EXOC3L4: variants seen among roughly 807,000 people sequenced by gnomAD.
The protein encoded by EXOC3L4 is exocyst complex component 3 like 4.
In EXOC3L4, 62 loss-of-function variants were observed where a neutral mutation model predicts 69.7. The ratio of observed to expected loss-of-function variants is 0.89; its 90% confidence interval spans 0.72 to 1.10. The LOEUF is 1.10. EXOC3L4 is among the 50% of genes least tolerant of loss of function. EXOC3L4 has a pLI of 0.00. For synonymous variants in EXOC3L4, 502 were observed against 464.2 expected (o/e 1.08, Z -1.05); for missense variants, 1,087 against 1,034.8 (o/e 1.05, Z -0.69).
Position 103,102,389 on chromosome 14 carries a change from G to C in EXOC3L4, c.666G>C (p.Glu222Asp), listed in dbSNP as rs755730426. 2.6e-6 allele frequency: 4 copies of C among 1,556,232 alleles called. No homozygotes were observed. The East Asian group carries it at 9.6e-5, about 37-fold the overall frequency. The change falls in exon 3 of 12, where the codon GAG becomes GAC. Residue 222 changes from glutamate (E) to aspartate (D), a missense_variant. Transcript: ENST00000688303. Reference sequence around the variant, plus strand: ...TGGCCCGCGTGGTGAGCGCGGAGGAGGAAGCCCACCCTTCTCCCCCCGACG... The same window carrying C: ...TGGCCCGCGTGGTGAGCGCGGAGGACGAAGCCCACCCTTCTCCCCCCGACG... ...AELARVVSAE[E>D]EAHPSPPDDG...
At position 103,102,347 on chromosome 14, in the gene EXOC3L4, G is replaced by C. The variant is rs1566947708; in HGVS notation, c.624G>C (p.Ala208=). 4 of 1,560,242 alleles carry C rather than the reference G, an allele frequency of 2.6e-6. No individual in the cohort carries two copies. The highest frequency in any genetic ancestry group is 2.6e-6 in the Non-Finnish European group (3 of 1,159,570). Residue 208 remains alanine (A), a synonymous_variant, in exon 3 of 12, where the codon GCG becomes GCC. Transcript: ENST00000688303. ...CGCTGGACAGCGACGGTGTGGACGC[G>C]GCCGCGCTGGCCGAGCTGGCCCGCG... The part of the protein sequence containing the change: ...RETLDSDGVD[A]AALAELARVV...
At chr14:103,098,195 C>T (rs182768099) in intron 1 of EXOC3L4, among the ~76,000 whole-genome samples, 6 of 152,230 alleles carry the variant, frequency 3.9e-5, no homozygotes, top group African/African-American at 4.8e-5. Flanking sequence ...AGAGATTCAC[C>T]GCACAGCTGC....
chr14:103,108,936 G>A (rs867394969), intron 11 of EXOC3L4, among the ~76,000 whole-genome samples: 2 of 151,976 alleles, frequency 1.3e-5, no homozygotes, highest in Non-Finnish European at 2.9e-5. Context: ...CATTCTTTTG[G>A]AGATTCTGGG....
Position 103,102,332 on chromosome 14 carries a change from C to CG in EXOC3L4, c.610dup (p.Asp204GlyfsTer149). 1 of 1,564,578 alleles carries CG rather than the reference C, an allele frequency of 6.4e-7. No individual in the cohort carries two copies. Among genetic ancestry groups the CG allele is most frequent in the African/African-American group, 1.4e-5 (1 of 74,042 alleles). On this transcript the variant is annotated frameshift_variant, in exon 3 of 12. Coordinates refer to ENST00000688303, the MANE Select transcript of EXOC3L4 (RefSeq NM_001077594.2). LOFTEE classifies it high-confidence loss of function. ...CCATCGTGCGCGAGACGCTGGACAG[C>CG]GACGGTGTGGACGCGGCCGCGCTGG...
chr14:103,104,221 C>T (rs779409855), intron 4 of EXOC3L4, 46 bp from the exon 5 acceptor site: 82 of 1,506,870 alleles, frequency 5.4e-5, no homozygotes, highest in Non-Finnish European at 7.0e-5. Flanking sequence ...CGGCGCGGGA[C>T]GGGGTCTGGG....
At position 103,102,691 on chromosome 14, in the gene EXOC3L4, G is replaced by T; in HGVS notation, c.968G>T (p.Arg323Leu). ...LRAFHSAVAQ[R>L]LQELARDARG... ...GCCTTCCACAGCGCCGTGGCCCAGC[G>T]CCTCCAGGAGCTCGCGCGCGACGCC... The change falls in exon 3 of 12, where the codon CGC (arginine) becomes CTC (leucine). Residue 323 changes from arginine to leucine, a missense_variant. Physicochemically the swap from Arg to Leu is moderately radical, Grantham distance 102. Transcript: ENST00000688303. 6.8e-7 allele frequency: 1 copy of T among 1,474,260 alleles called. No homozygotes were observed. Among genetic ancestry groups the T allele is most frequent in the South Asian group, 1.3e-5 (1 of 76,836 alleles). The allele number at this position is 1,474,260 out of a possible 1,614,324, so 91.3% of individuals were successfully genotyped here. A position where few individuals can be genotyped will look rare whatever the true frequency, so the allele number is the denominator to read the frequency against.
intron 1 of EXOC3L4, among the ~76,000 whole-genome samples, chr14:103,096,824 C>T (rs1205651276): frequency 6.6e-6 from 1 of 152,190 alleles, no homozygotes; most frequent in African/African-American, 2.4e-5. Context: ...TATGACTGAT[C>T]CGAGGAGGCA....
At position 103,106,807 on chromosome 14, in the gene EXOC3L4, C is replaced by T. The variant is rs778663616; in HGVS notation, c.1489C>T (p.Pro497Ser). The change falls in exon 8 of 12, where the codon CCA (proline) becomes TCA (serine). Residue 497 changes from proline (P) to serine (S), a missense_variant. By Grantham distance (74) the Pro-to-Ser change is moderately conservative. Transcript: ENST00000688303. Reference sequence around the variant, plus strand: ...CAGGACCAGTCTTCTCTCCAGGTTCCCAGGAACCCAAGAGGAGCTGGAGAA... The same window carrying T: ...CAGGACCAGTCTTCTCTCCAGGTTCTCAGGAACCCAAGAGGAGCTGGAGAA... Reference protein sequence around the residue: ...ELRTSLLSRFPGTQEELEKPL... With the variant: ...ELRTSLLSRFSGTQEELEKPL... The T allele has an allele frequency of 6.3e-7, 1 of 1,590,240 alleles. No homozygotes were observed. Among genetic ancestry groups the T allele is most frequent in the East Asian group, 2.3e-5 (1 of 44,296 alleles).
intron 8 of EXOC3L4, 141 bp from the exon 9 acceptor site, chr14:103,107,283 G>T (rs1225064822): frequency 9.0e-6 from 12 of 1,339,996 alleles, no homozygotes; most frequent in Non-Finnish European, 1.1e-5. Context: ...AAGGGCTCGT[G>T]ACATAACCTG....
rs1398353838 is a variant in EXOC3L4, at chr14:103,104,341, G to C, written c.1236G>C (p.Glu412Asp). 1.0e-5 allele frequency: 16 copies of C among 1,591,414 alleles called. No homozygotes were observed. Among genetic ancestry groups the C allele is most frequent in the Non-Finnish European group, 1.3e-5 (15 of 1,170,430 alleles). The change falls in exon 5 of 12, where the codon GAG (glutamate) becomes GAC (aspartate). Residue 412 changes from glutamate (E) to aspartate (D), a missense_variant. By Grantham distance (45) the Glu-to-Asp change is conservative. Transcript: ENST00000688303. ...ACTGGGCGGCCGCCGAGGTCCCCGA[G>C]GTGCTGCAGGGCCTCTACCAGGCGC... Reference protein sequence around the residue: ...QSHWAAAEVPEVLQGLYQAPL... With the variant: ...QSHWAAAEVPDVLQGLYQAPL...
chr14:103,107,469 T>TGGCTGACGCAG lies in EXOC3L4; in HGVS notation c.1632_1633insACGCAGGGCTG (p.His545ThrfsTer12). ...CACCAGGGACTGGCTGACGCAGGAC[T>TGGCTGACGCAG]GGCTGCATCCCCTCATGGACAAGGT... On this transcript the variant is annotated frameshift_variant, in exon 9 of 12. Coordinates refer to ENST00000688303, the MANE Select transcript of EXOC3L4 (RefSeq NM_001077594.2). LOFTEE classifies it high-confidence loss of function. The TGGCTGACGCAG allele has an allele frequency of 6.2e-7, 1 of 1,613,878 alleles. No homozygotes were observed. Among genetic ancestry groups the TGGCTGACGCAG allele is most frequent in the South Asian group, 1.1e-5 (1 of 91,088 alleles).
chr14:103,107,880 G>T, intron 10 of EXOC3L4, 97 bp downstream of exon 10: 1 of 1,430,962 alleles, frequency 7.0e-7, no homozygotes, highest in Non-Finnish European at 9.2e-7. Context: ...TGGCAGGAGT[G>T]GTTCTCCCCA....
rs1177214950 is a variant in EXOC3L4, at chr14:103,102,371, C to CGTG, written c.652_654dup (p.Val218dup). On this transcript the variant is annotated inframe_insertion, in exon 3 of 12. Coordinates refer to ENST00000688303, the MANE Select transcript of EXOC3L4 (RefSeq NM_001077594.2). ...CGGCCGCGCTGGCCGAGCTGGCCCG[C>CGTG]GTGGTGAGCGCGGAGGAGGAAGCCC... 6.4e-7 allele frequency: 1 copy of CGTG among 1,560,874 alleles called. No individual in the cohort carries two copies. Among genetic ancestry groups the CGTG allele is most frequent in the Admixed American group, 1.8e-5 (1 of 54,956 alleles).
chr14:103,103,354 C>CAAAAA (rs3070496), intron 3 of EXOC3L4, among the ~76,000 whole-genome samples: 17,470 of 94,240 alleles, frequency 0.19, 1,603 homozygotes, highest in South Asian at 0.21. Context: ...GACTCTGTCT[C>CAAAAA]AAAAAAAAAA....
chr14:103,110,243 G>A lies in EXOC3L4; in HGVS notation c.*20G>A, dbSNP rs559005885. 4.0e-6 allele frequency: 6 copies of A among 1,496,904 alleles called. No individual in the cohort carries two copies. Among genetic ancestry groups the A allele is most frequent in the Non-Finnish European group, 2.7e-6 (3 of 1,123,178 alleles). 92.7% of individuals were successfully genotyped at this position (1,496,904 alleles called of 1,614,324 possible). A position where few individuals can be genotyped will look rare whatever the true frequency, so the allele number is the denominator to read the frequency against. On this transcript the variant is annotated 3_prime_UTR_variant, in exon 12 of 12. Transcript: ENST00000688303. ...GTCTAGTTCTCTCTGGCTCGAGGGG[G>A]GGCCGGCCGCTGGCAGGGAGCTGTG...
chr14:103,108,235 C>T (rs970464571), intron 10 of EXOC3L4, among the ~76,000 whole-genome samples, 161 bp from the exon 11 acceptor site: 5 of 152,272 alleles, frequency 3.3e-5, no homozygotes, highest in South Asian at 2.1e-4. Context: ...GGCACGCTCC[C>T]GTTCTGTTTT....
rs574787812 is a variant in EXOC3L4, at chr14:103,100,130, G to A, written c.-16-74G>A. 3.2e-5 allele frequency: 46 copies of A among 1,417,812 alleles called. No homozygotes were observed. The Admixed American group carries it at 9.0e-4, about 28-fold the overall frequency. The allele number at this position is 1,417,812 out of a possible 1,614,324, so 87.8% of individuals were successfully genotyped here. On this transcript the variant is annotated intron_variant, in intron 1 of 11. Coordinates refer to ENST00000688303, the MANE Select transcript of EXOC3L4 (RefSeq NM_001077594.2). ...GAGAGCCTTCCTTGACCAAGCCCCT[G>A]GGTGTGGCCAGGCCCCACAGGGCCA...
chr14:103,107,573 C>T, intron 9 of EXOC3L4, 30 bp downstream of exon 9: 2 of 1,612,432 alleles, frequency 1.2e-6, no homozygotes, highest in Non-Finnish European at 1.7e-6. Context: ...CCTGGCAGGG[C>T]TGTGCCCAGG....
chr14:103,099,109 G>C (rs1405602802), intron 1 of EXOC3L4, among the ~76,000 whole-genome samples: 1 of 152,198 alleles, frequency 6.6e-6, no homozygotes, highest in Non-Finnish European at 1.5e-5. Context: ...GCACCTGGGT[G>C]GGGGGCCCTG....
Sources: allele counts gnomAD v4.1 joint callset (sites outside exome capture counted in the v4.1 genomes callset), GRCh38; gene constraint gnomAD v4.1.1; transcripts MANE v1.5; gene names NCBI Gene and HGNC (gene_info 2026-07-23, HGNC 2026-07-21).